Variants in TMPRSS2 observed in about 807,000 individuals in gnomAD.
TMPRSS2 encodes transmembrane protease serine 2.
TMPRSS2 carries 59 observed loss-of-function variants against 67.4 expected under a neutral mutation model. The ratio of observed to expected loss-of-function variants is 0.88; its 90% CI spans 0.71 to 1.09. The LOEUF (loss-of-function observed/expected upper bound fraction) is 1.09, where lower values mean the gene tolerates loss of function less well. TMPRSS2 is among the 50% of genes least tolerant of loss of function. TMPRSS2 has a pLI of 0.00. For missense variants in TMPRSS2, 668 were observed against 642.7 expected (o/e 1.04, Z -0.43); for synonymous variants, 257 against 257.0 (o/e 1.00, Z 0.00).
At chr21:41,473,796 G>A (rs1187487732) in intron 8 of TMPRSS2, among the ~76,000 whole-genome samples, 1 of 150,286 alleles carries the variant, frequency 6.7e-6, no homozygotes. Flanking sequence ...GAGTCTTGGA[G>A]GGACTGACAC....
rs1209457277 is a variant in TMPRSS2 at position 41,478,132 on chromosome 21, C to T, written c.683+1040G>A. ...TGTTTAGCTTCTCCACAGGGACAAACCGCAGCCCTGCTGTTTTGATGGGTG... is the reference window on the plus strand; with the variant it reads ...TGTTTAGCTTCTCCACAGGGACAAATCGCAGCCCTGCTGTTTTGATGGGTG... On this transcript the variant is annotated intron_variant, in intron 7 of 13. Coordinates refer to ENST00000332149, the MANE Select transcript of TMPRSS2 (RefSeq NM_005656.4). The surrounding 1 kb of genome is among the most constrained non-coding windows in gnomAD (Gnocchi z 4.0). 6.6e-6 allele frequency among the ~76,000 whole-genome samples: 1 copy of T among 152,256 alleles called. No individual in the cohort carries two copies. Among genetic ancestry groups the T allele is most frequent in the Non-Finnish European group, 1.5e-5 (1 of 68,044 alleles).
chr21:41,486,347 T>A (rs2091297986), intron 5 of TMPRSS2: 1 of 152,302 alleles, frequency 6.6e-6, no homozygotes, highest in Admixed American at 6.5e-5. Context: ...TCGCCCAGGC[T>A]GGAGTGCAGT....
chr21:41,485,670 A>T (rs1295354328), intron 5 of TMPRSS2, among the ~76,000 whole-genome samples: 1 of 144,806 alleles, frequency 6.9e-6, no homozygotes, highest in African/African-American at 2.5e-5. Context: ...AAAAAAAAAT[A>T]GAAAGAAAAG....
At chr21:41,477,130 T>C (rs2091220474) in intron 7 of TMPRSS2, among the ~76,000 whole-genome samples, 1 of 152,218 alleles carries the variant, frequency 6.6e-6, no homozygotes, top group African/African-American at 2.4e-5. Context: ...AACTGATGCA[T>C]TTTGTCCTGC....
At chr21:41,497,995 A>G (rs555525436) in intron 2 of TMPRSS2, 124 bp downstream of exon 2, 1 of 713,164 alleles carries the variant, frequency 1.4e-6, no homozygotes, top group South Asian at 1.8e-5. Context: ...CTTGAACAGC[A>G]TCAGCGTGGC....
In TMPRSS2 at chr21:41,473,330, C is replaced by T. The variant is rs774049600; in HGVS notation, c.894G>A (p.Val298=). The T allele has an allele frequency of 7.5e-6, 12 of 1,596,972 alleles. No homozygotes were observed. In the Admixed American group the frequency reaches 1.0e-4, roughly 14 times the overall value. ...PEWIVTAAHC[V]EKPLNNPWHW... is the part of the protein sequence containing the mutation. ...CCGCGCCGCCCCTGGCATACTTTTC[C>T]ACGCAGTGGGCGGCTGTCACGATCC... Residue 298 remains valine (V), a synonymous_variant, in exon 9 of 14, where the codon GTG becomes GTA. Transcript: ENST00000332149.
At chr21:41,505,747 T>G (rs553673225) in intron 1 of TMPRSS2, among the ~76,000 whole-genome samples, 1 of 152,266 alleles carries the variant, frequency 6.6e-6, no homozygotes, top group East Asian at 1.9e-4. Flanking sequence ...CCTCCTTTCC[T>G]CCACTTGCTG....
rs562157895 is a variant in TMPRSS2, at chr21:41,491,777, G to A, written c.239-2184C>T. 1.3e-4 allele frequency among the ~76,000 whole-genome samples: 20 copies of A among 152,350 alleles called. No individual in the cohort carries two copies. In the South Asian group the frequency reaches 2.3e-3, roughly 17 times the overall value. ...TTCTCACCAGGAGAGTGTGTAAAGC[G>A]GGAAGCCCTCAAGTTTACTTTGCTG... On this transcript the variant is annotated intron_variant, in intron 3 of 13. Transcript: ENST00000332149.
chr21:41,503,356 G>A (rs557656729), intron 1 of TMPRSS2, among the ~76,000 whole-genome samples: 1 of 152,280 alleles, frequency 6.6e-6, no homozygotes, highest in South Asian at 2.1e-4. Context: ...CACTGGCTGA[G>A]GCTTAAAGAA....
intron 3 of TMPRSS2, among the ~76,000 whole-genome samples, chr21:41,491,841 C>T (rs2091339279): frequency 6.6e-6 from 1 of 152,178 alleles, no homozygotes; most frequent in Admixed American, 6.5e-5. Flanking sequence ...AGTACAGACA[C>T]CACTGGGTCT....
chr21:41,497,092 C>T (rs1057090809), intron 2 of TMPRSS2, among the ~76,000 whole-genome samples: 8 of 152,010 alleles, frequency 5.3e-5, no homozygotes, highest in East Asian at 1.9e-4. Context: ...CTGCCTGCCT[C>T]GGCCTCCCAA....
chr21:41,489,684 A>G, intron 3 of TMPRSS2, 91 bp from the exon 4 acceptor site: 12 of 763,770 alleles, frequency 1.6e-5, no homozygotes. Flanking sequence ...AGTACACCAC[A>G]TTAAGAAATA....
Position 41,494,801 on chromosome 21 carries a change from T to C in TMPRSS2, c.16-223A>G, listed in dbSNP as rs2091368204. On this transcript the variant is annotated intron_variant, in intron 2 of 13. Coordinates refer to ENST00000332149, the MANE Select transcript of TMPRSS2 (RefSeq NM_005656.4). ...AAAGGTACTACAAGGCTGGGTGCGGTGGCTCATGCCTGTAATCCCAGCACT... is the reference window on the plus strand; with the variant it reads ...AAAGGTACTACAAGGCTGGGTGCGGCGGCTCATGCCTGTAATCCCAGCACT... 3 of 591,162 alleles carry C rather than the reference T, an allele frequency of 5.1e-6. No homozygotes were observed. The East Asian group carries it at 1.0e-4, about 20-fold the overall frequency. 36.6% of individuals were successfully genotyped at this position (591,162 alleles called of 1,614,324 possible).
chr21:41,475,578 T>G (rs1016594118), intron 8 of TMPRSS2, among the ~76,000 whole-genome samples: 2 of 22,926 alleles, frequency 8.7e-5, no homozygotes, highest in African/African-American at 2.1e-4. Context: ...GGTGACGGGG[T>G]GGGGTGAGGG....
intron 5 of TMPRSS2, among the ~76,000 whole-genome samples, chr21:41,483,592 G>A (rs1232615137): frequency 7.4e-6 from 1 of 135,202 alleles, no homozygotes; most frequent in Non-Finnish European, 1.6e-5. Flanking sequence ...CAGCACACCC[G>A]GCTCAAAATA....
At chr21:41,506,936 G>A (rs1421857887) in intron 1 of TMPRSS2, among the ~76,000 whole-genome samples, 1 of 152,192 alleles carries the variant, frequency 6.6e-6, no homozygotes, top group Non-Finnish European at 1.5e-5. Flanking sequence ...GAAGGGCTGC[G>A]CAGCCTCGAA....
At chr21:41,471,638 G>T (rs467375) in intron 10 of TMPRSS2, among the ~76,000 whole-genome samples, 168 bp downstream of exon 10, 2 of 151,960 alleles carry the variant, frequency 1.3e-5, no homozygotes, top group Non-Finnish European at 2.9e-5. Flanking sequence ...CCCAAAATGC[G>T]GCAGGTGCTC....
chr21:41,492,781 G>A (rs1436517461), intron 3 of TMPRSS2, among the ~76,000 whole-genome samples: 1 of 152,188 alleles, frequency 6.6e-6, no homozygotes, highest in Non-Finnish European at 1.5e-5. Context: ...TCCATCATGT[G>A]GGCCAGGGGT....
intron 3 of TMPRSS2, among the ~76,000 whole-genome samples, chr21:41,490,733 T>C (rs1414276443): frequency 6.6e-6 from 1 of 152,242 alleles, no homozygotes; most frequent in Non-Finnish European, 1.5e-5. Context: ...AGTCAGACGC[T>C]GGGCTCAGCC....
Sources: allele counts gnomAD v4.1 joint callset (sites outside exome capture counted in the v4.1 genomes callset), GRCh38; gene constraint gnomAD v4.1.1; non-coding constraint Gnocchi (gnomAD v3.1); transcripts MANE v1.5; gene names NCBI Gene and HGNC (gene_info 2026-07-23, HGNC 2026-07-21).